SEMA6D: variants seen among roughly 807,000 people sequenced by gnomAD.
The protein encoded by SEMA6D is semaphorin 6D.
Under a neutral mutation model 106.6 loss-of-function variants are expected in SEMA6D, and 35 were observed. The ratio of observed to expected loss-of-function variants is 0.33; its 90% confidence interval spans 0.25 to 0.44. The LOEUF (loss-of-function observed/expected upper bound fraction) is 0.44, where lower values mean the gene tolerates loss of function less well. Ranked by LOEUF, SEMA6D falls within the 20% of genes least tolerant of loss-of-function variation. The pLI is 1.00. For missense variants in SEMA6D, 1,185 were observed against 1,345.9 expected, an observed-to-expected ratio of 0.88 and a Z score of 1.87; for synonymous variants, 499 against 487.7, an observed-to-expected ratio of 1.02 and a Z score of -0.31.
rs537516991 is a variant in SEMA6D at position 47,378,857 on chromosome 15, C to A, written c.-238-33536C>A. ...CCTAAGTTTATATCTTGCTTTCAGA[C>A]ATAAGCTGGACATTATGGAAACCAC... On this transcript the variant is annotated intron_variant, in intron 1 of 19. Transcript: ENST00000558014. Among the ~76,000 whole-genome samples the A allele has an allele frequency of 1.2e-4, 18 of 152,308 alleles. No individual in the cohort carries two copies. In the South Asian group the frequency reaches 3.7e-3, roughly 32 times the overall value.
At chr15:47,536,977 A>G (rs951434120) in intron 3 of SEMA6D, among the ~76,000 whole-genome samples, 1 of 152,218 alleles carries the variant, frequency 6.6e-6, no homozygotes, top group Non-Finnish European at 1.5e-5. Context: ...TAATTAAGAA[A>G]ACATCAGTGT....
At chr15:47,682,803 C>T (rs949235331) in intron 4 of SEMA6D, among the ~76,000 whole-genome samples, 5 of 152,106 alleles carry the variant, frequency 3.3e-5, no homozygotes, top group African/African-American at 9.7e-5. Flanking sequence ...TTCATTTGCC[C>T]GCAGTACGTA....
Position 47,635,549 on chromosome 15 carries a change from A to C in SEMA6D, c.-55+34653A>C, listed in dbSNP as rs1217244098. The stretch of plus-strand genomic sequence containing the variant: ...TAGGAAATTTAAAAATATTTACAAT[A>C]CATGGTCAGTCAGAAGTATGGGAGG... On this transcript the variant is annotated intron_variant, in intron 4 of 19. Coordinates refer to the SEMA6D transcript ENST00000558014. Among the ~76,000 whole-genome samples, 4 of 152,352 alleles carry C rather than the reference A, an allele frequency of 2.6e-5. No homozygotes were observed. The East Asian group carries it at 7.7e-4, about 29-fold the overall frequency.
At chr15:47,555,346 C>T (rs2045885800) in intron 3 of SEMA6D, among the ~76,000 whole-genome samples, 3 of 152,090 alleles carry the variant, frequency 2.0e-5, no homozygotes, top group Admixed American at 2.0e-4. Flanking sequence ...AGTTCCCAGG[C>T]CCTAAAGAGA....
intron 1 of SEMA6D, among the ~76,000 whole-genome samples, chr15:47,724,246 G>A (rs2146420451): frequency 6.6e-6 from 1 of 152,368 alleles, no homozygotes; most frequent in Admixed American, 6.5e-5. Context: ...TCTTGCCATT[G>A]CTGGCACTAA....
chr15:47,406,629 G>T (rs994988375), intron 1 of SEMA6D, among the ~76,000 whole-genome samples: 2 of 152,014 alleles, frequency 1.3e-5, no homozygotes, highest in African/African-American at 4.8e-5. Flanking sequence ...GTAGGGAAAC[G>T]GGGAGATGTT....
chr15:47,769,776 C>T (rs923129290), intron 18 of SEMA6D, among the ~76,000 whole-genome samples: 1 of 151,936 alleles, frequency 6.6e-6, no homozygotes, highest in Non-Finnish European at 1.5e-5. Flanking sequence ...CTAATTTGCT[C>T]TTCTTTTTCT....
intron 3 of SEMA6D, among the ~76,000 whole-genome samples, chr15:47,516,922 A>C (rs151077081): frequency 6.6e-6 from 1 of 152,250 alleles, no homozygotes; most frequent in East Asian, 1.9e-4. Context: ...AAAAATGTAA[A>C]CTTTAAATGC....
intron 4 of SEMA6D, among the ~76,000 whole-genome samples, chr15:47,605,965 A>C (rs1213932722): frequency 6.6e-6 from 1 of 152,056 alleles, no homozygotes; most frequent in Admixed American, 6.5e-5. Flanking sequence ...CTGGACCTGG[A>C]GGTTGAGGGT....
chr15:47,317,829 G>T (rs2036742806), intron 1 of SEMA6D, among the ~76,000 whole-genome samples: 1 of 152,034 alleles, frequency 6.6e-6, no homozygotes, highest in Non-Finnish European at 1.5e-5. Flanking sequence ...ATCTGCCCAG[G>T]TGTAGTGTTT....
chr15:47,762,341 G>T (rs72735863), intron 8 of SEMA6D, 22 bp downstream of exon 8: 3 of 1,610,878 alleles, frequency 1.9e-6, no homozygotes, highest in African/African-American at 2.7e-5. Context: ...GAGCAGTGTC[G>T]TGGGGTCACC....
intron 1 of SEMA6D, among the ~76,000 whole-genome samples, chr15:47,271,655 T>C (rs573362240): frequency 1.3e-5 from 2 of 152,298 alleles, no homozygotes; most frequent in East Asian, 3.9e-4. Flanking sequence ...AGTCATCTTT[T>C]GAGAATTGGT....
chr15:47,278,126 C>T lies in SEMA6D; in HGVS notation c.-239+93708C>T, dbSNP rs571248261. Among the ~76,000 whole-genome samples, 391 of 151,388 alleles carry T rather than the reference C, an allele frequency of 2.6e-3. 2 individuals are homozygous for T. The highest frequency in any genetic ancestry group is 9.0e-3 in the African/African-American group (373 of 41,308). ...GATTTATAGTCCTTTGGGTATATACCCAGTAATGGGATGGCTGGGTCAAAT... is the reference window on the plus strand; with the variant it reads ...GATTTATAGTCCTTTGGGTATATACTCAGTAATGGGATGGCTGGGTCAAAT... On this transcript the variant is annotated intron_variant, in intron 1 of 19. Coordinates refer to the SEMA6D transcript ENST00000558014.
intron 1 of SEMA6D, among the ~76,000 whole-genome samples, chr15:47,214,217 A>G (rs1014648381): frequency 6.6e-6 from 1 of 152,188 alleles, no homozygotes; most frequent in Admixed American, 6.6e-5. Context: ...TAGTAATTAG[A>G]CTGTTTAAGT....
chr15:47,368,586 T>C (rs1206276655), intron 1 of SEMA6D, among the ~76,000 whole-genome samples: 1 of 151,886 alleles, frequency 6.6e-6, no homozygotes, highest in African/African-American at 2.4e-5. Context: ...TTCTCCTGCC[T>C]CAGCCTCCCA....
intron 1 of SEMA6D, among the ~76,000 whole-genome samples, chr15:47,244,038 G>A (rs1013013492): frequency 1.3e-5 from 2 of 152,112 alleles, no homozygotes; most frequent in African/African-American, 4.8e-5. Flanking sequence ...AAATAAGGCA[G>A]AGAAAAGGTT....
At position 47,772,969 on chromosome 15, in the gene SEMA6D, A is replaced by G. The variant is rs551960073; in HGVS notation, c.*1184A>G. ...TCTGTAAAAACCTAACAGTGGTGCA[A>G]TCATGTTGTCTGTGTTGTGTTATGT... On this transcript the variant is annotated 3_prime_UTR_variant, in exon 19 of 19. Coordinates refer to ENST00000536845, the MANE Select transcript of SEMA6D (RefSeq NM_001358351.3). The G allele has an allele frequency of 1.3e-5, 2 of 152,622 alleles. No individual in the cohort carries two copies. The highest frequency in any genetic ancestry group is 1.3e-4 in the Admixed American group (2 of 15,276). The allele number at this position is 152,622 out of a possible 1,614,324, so 9.5% of individuals were successfully genotyped here. A position where few individuals can be genotyped will look rare whatever the true frequency, so the allele number is the denominator to read the frequency against.
At chr15:47,293,776 A>G (rs1178839031) in intron 1 of SEMA6D, among the ~76,000 whole-genome samples, 1 of 152,232 alleles carries the variant, frequency 6.6e-6, no homozygotes, top group Non-Finnish European at 1.5e-5. Flanking sequence ...TAGTTATTAT[A>G]AACAATGATG....
At chr15:47,657,990 T>C (rs1338370827) in intron 4 of SEMA6D, among the ~76,000 whole-genome samples, 1 of 151,874 alleles carries the variant, frequency 6.6e-6, no homozygotes, top group Non-Finnish European at 1.5e-5. Flanking sequence ...TCCGCCCACC[T>C]CGGCCTCCCA....
Sources: gnomAD v4.1 joint callset for allele counts (sites outside exome capture counted in the v4.1 genomes callset) on GRCh38, gnomAD v4.1.1 for gene constraint, MANE v1.5 for transcripts, NCBI Gene and HGNC (gene_info 2026-07-23, HGNC 2026-07-21) for gene names.